The following CDH20 variants were observed in gnomAD, a reference collection of about 807,000 sequenced individuals.
The protein encoded by CDH20 is cadherin-20.
Under a neutral mutation model 74.2 loss-of-function variants are expected in CDH20, and 29 were observed. The observed-to-expected ratio is 0.39, with a 90% confidence interval of 0.29 to 0.53. The LOEUF is 0.53. Among genes scored for constraint, CDH20 ranks in the 20% least tolerant of loss-of-function variants. CDH20 has a pLI of 0.69. For synonymous variants in CDH20, 469 were observed against 405.4 expected (o/e 1.16, Z -1.88); for missense variants, 988 against 1,048.3 (o/e 0.94, Z 0.79).
Position 61,490,776 on chromosome 18 carries a change from A to G in CDH20, c.223A>G (p.Thr75Ala). ...QFFVLEEYTG[T>A]DPLYVGKLHS... Reference sequence around the variant, plus strand: ...TTTCGTTCTGGAAGAGTACACTGGGACCGACCCTTTGTATGTCGGCAAGGT... The same window carrying G: ...TTTCGTTCTGGAAGAGTACACTGGGGCCGACCCTTTGTATGTCGGCAAGGT... The change falls in exon 2 of 12, where the codon ACC (threonine) becomes GCC (alanine). Residue 75 changes from threonine (T) to alanine (A), a missense_variant. Physicochemically the swap from Thr to Ala is moderately conservative, Grantham distance 58. This residue lies in a region of CDH20 where 613 missense variants were observed against 755.2 expected (regional missense o/e 0.81). Coordinates refer to ENST00000262717, the MANE Select transcript of CDH20 (RefSeq NM_031891.4). 3.7e-6 allele frequency: 6 copies of G among 1,614,134 alleles called. No individual in the cohort carries two copies. The highest frequency in any genetic ancestry group is 5.1e-6 in the Non-Finnish European group (6 of 1,180,000).
intron 1 of CDH20, among the ~76,000 whole-genome samples, chr18:61,436,681 G>A (rs1020551519): frequency 6.6e-6 from 1 of 152,144 alleles, no homozygotes; most frequent in Non-Finnish European, 1.5e-5. Context: ...TTTAGGCACT[G>A]TGGCATTAGG....
At chr18:61,382,570 A>T (rs1247384468) in intron 1 of CDH20, among the ~76,000 whole-genome samples, 2 of 152,238 alleles carry the variant, frequency 1.3e-5, no homozygotes, top group Non-Finnish European at 2.9e-5. Flanking sequence ...ATCTCAACAC[A>T]TAATTGCTAT....
intron 2 of CDH20, among the ~76,000 whole-genome samples, chr18:61,495,249 C>A (rs539346802): frequency 1.3e-5 from 2 of 152,322 alleles, no homozygotes; most frequent in Non-Finnish European, 2.9e-5. Flanking sequence ...CGCCAATTTG[C>A]TGAGTGACTT....
At chr18:61,398,984 T>G (rs1056728016) in intron 1 of CDH20, among the ~76,000 whole-genome samples, 2 of 152,172 alleles carry the variant, frequency 1.3e-5, no homozygotes, top group African/African-American at 4.8e-5. Flanking sequence ...TGGCCCAAAC[T>G]TATCAGCTTT....
At chr18:61,426,847 T>A (rs1913087549) in intron 1 of CDH20, among the ~76,000 whole-genome samples, 1 of 152,182 alleles carries the variant, frequency 6.6e-6, no homozygotes, top group Non-Finnish European at 1.5e-5. Flanking sequence ...TGTCAGGACA[T>A]CAAGTATCCC....
intron 1 of CDH20, among the ~76,000 whole-genome samples, chr18:61,451,656 A>T (rs1909390992): frequency 6.6e-6 from 1 of 152,150 alleles, no homozygotes; most frequent in Non-Finnish European, 1.5e-5. Context: ...TATCAGATTT[A>T]ATGGCAATAA....
chr18:61,548,396 C>G (rs1236066993), intron 10 of CDH20, among the ~76,000 whole-genome samples: 1 of 152,180 alleles, frequency 6.6e-6, no homozygotes, highest in Non-Finnish European at 1.5e-5. Context: ...TAAAATCACT[C>G]TAGGCCTTAC....
At chr18:61,453,514 C>T (rs774615785) in intron 1 of CDH20, among the ~76,000 whole-genome samples, 113 of 152,164 alleles carry the variant, frequency 7.4e-4, no homozygotes, top group Admixed American at 4.5e-3. Context: ...CTCCTGACCT[C>T]GTGATCCGCC....
In CDH20 at chr18:61,555,217, G is replaced by C. The variant is rs1599167777; in HGVS notation, c.*522G>C. ...AAATTAACCTACTTGTTCTGGGATG[G>C]ATGGAATTTCCCGTAACCCTTTTGA... On this transcript the variant is annotated 3_prime_UTR_variant, in exon 12 of 12. Transcript: ENST00000262717. 2.0e-5 allele frequency: 20 copies of C among 975,944 alleles called. No homozygotes were observed. Among genetic ancestry groups the C allele is most frequent in the Non-Finnish European group, 2.3e-5 (19 of 827,844 alleles). The allele number at this position is 975,944 out of a possible 1,614,324, so 60.5% of individuals were successfully genotyped here.
chr18:61,517,554 C>T (rs1275452454), intron 6 of CDH20, among the ~76,000 whole-genome samples: 1 of 152,184 alleles, frequency 6.6e-6, no homozygotes, highest in Non-Finnish European at 1.5e-5. Context: ...TGCATTCTGG[C>T]CCAGATATTA....
chr18:61,403,602 G>C (rs111555459), intron 1 of CDH20, among the ~76,000 whole-genome samples: 2 of 152,132 alleles, frequency 1.3e-5, no homozygotes, highest in African/African-American at 4.8e-5. Context: ...AAGCACTGTA[G>C]CAAAAAGAGG....
intron 1 of CDH20, among the ~76,000 whole-genome samples, chr18:61,369,776 G>A (rs554923207): frequency 2.6e-5 from 4 of 152,210 alleles, no homozygotes; most frequent in Admixed American, 2.0e-4. Context: ...CATGGATGGA[G>A]CTGGAGGCCA....
chr18:61,348,844 A>G (rs1370863453), intron 1 of CDH20, among the ~76,000 whole-genome samples: 1 of 152,196 alleles, frequency 6.6e-6, no homozygotes, highest in Non-Finnish European at 1.5e-5. Flanking sequence ...TGGTAAAACT[A>G]TGAATAACTA....
Position 61,490,773 on chromosome 18 carries a change from G to A in CDH20, c.220G>A (p.Gly74Arg). 6.2e-7 allele frequency: 1 copy of A among 1,614,152 alleles called. No individual in the cohort carries two copies. Among genetic ancestry groups the A allele is most frequent in the Non-Finnish European group, 8.5e-7 (1 of 1,180,014 alleles). Reference sequence around the variant, plus strand: ...GTTTTTCGTTCTGGAAGAGTACACTGGGACCGACCCTTTGTATGTCGGCAA... The same window carrying A: ...GTTTTTCGTTCTGGAAGAGTACACTAGGACCGACCCTTTGTATGTCGGCAA... ...NQFFVLEEYT[G>R]TDPLYVGKLH... The change falls in exon 2 of 12, where the codon GGG (glycine) becomes AGG (arginine). Residue 74 changes from glycine (G) to arginine (R), a missense_variant. Physicochemically the swap from Gly to Arg is moderately radical, Grantham distance 125. Transcript: ENST00000262717.
chr18:61,455,861 G>A (rs1909555172), intron 1 of CDH20, among the ~76,000 whole-genome samples: 1 of 152,164 alleles, frequency 6.6e-6, no homozygotes, highest in East Asian at 1.9e-4. Flanking sequence ...TCAAAATGAT[G>A]AACTTTCAAT....
rs1457790953 is a variant in CDH20, at chr18:61,375,915, C to A, written c.-153+42088C>A. On this transcript the variant is annotated intron_variant, in intron 1 of 11. Coordinates refer to ENST00000262717, the MANE Select transcript of CDH20 (RefSeq NM_031891.4). ...TCCAACTGCATTATCCTTCCACCAC[C>A]ATCTTTCTTTGTATAGACTTAATTA... 5.9e-5 allele frequency among the ~76,000 whole-genome samples: 9 copies of A among 152,212 alleles called. No homozygotes were observed. The East Asian group carries it at 1.4e-3, about 23-fold the overall frequency.
rs1909639362 is a variant in CDH20 at position 61,333,583 on chromosome 18, C to CT, written c.-395dup. 6.6e-6 allele frequency: 1 copy of CT among 150,996 alleles called. No individual in the cohort carries two copies. Among genetic ancestry groups the CT allele is most frequent in the Admixed American group, 6.7e-5 (1 of 14,974 alleles). 9.4% of individuals were successfully genotyped at this position (150,996 alleles called of 1,614,324 possible). A position where few individuals can be genotyped will look rare whatever the true frequency, so the allele number is the denominator to read the frequency against. On this transcript the variant is annotated 5_prime_UTR_variant, in exon 1 of 12. Transcript: ENST00000262717. The stretch of plus-strand genomic sequence containing the variant: ...GCAGGGCATCGGCGGGGTTGGTGCA[C>CT]TTGGCAGTACCCCCCAACTCCTGGC...
intron 1 of CDH20, among the ~76,000 whole-genome samples, chr18:61,446,425 C>T (rs535479636): frequency 2.4e-4 from 36 of 152,282 alleles, no homozygotes; most frequent in Non-Finnish European, 2.8e-4. Context: ...TGACCTTCTC[C>T]GCCAAGAACT....
At position 61,402,749 on chromosome 18, in the gene CDH20, A is replaced by C. The variant is rs118098326; in HGVS notation, c.-153+68922A>C. Among the ~76,000 whole-genome samples, 10 of 152,350 alleles carry C rather than the reference A, an allele frequency of 6.6e-5. No individual in the cohort carries two copies. The East Asian group carries it at 1.9e-3, about 29-fold the overall frequency. On this transcript the variant is annotated intron_variant, in intron 1 of 11. Transcript: ENST00000262717. ...CTAGAGAAATTTGAGCCAATGAAAA[A>C]ATTGATGTGAAATGAATCTATCCCC...
Sources: allele counts gnomAD v4.1 joint callset (sites outside exome capture counted in the v4.1 genomes callset), GRCh38; gene constraint gnomAD v4.1.1; regional missense constraint gnomAD v4.1.1; transcripts MANE v1.5; gene names NCBI Gene and HGNC (gene_info 2026-07-23, HGNC 2026-07-21).